The following KIAA0825 variants were observed in gnomAD, a reference collection of about 807,000 sequenced individuals.
KIAA0825 encodes the protein uncharacterized protein KIAA0825.
A neutral mutation model predicts 147.6 loss-of-function variants in KIAA0825; 119 were observed. The observed-to-expected ratio is 0.81, with a 90% CI of 0.69 to 0.94. The LOEUF is 0.94. Among genes scored for constraint, KIAA0825 ranks in the 40% least tolerant of loss-of-function variants. The pLI is 0.00. For missense variants in KIAA0825, 1,381 were observed against 1,472.7 expected, an observed-to-expected ratio of 0.94 and a Z score of 1.02; for synonymous variants, 470 against 518.1, an observed-to-expected ratio of 0.91 and a Z score of 1.26.
At chr5:94,269,377 A>T (rs958327719) in intron 20 of KIAA0825, among the ~76,000 whole-genome samples, 4 of 152,208 alleles carry the variant, frequency 2.6e-5, no homozygotes, top group African/African-American at 7.2e-5. Context: ...AGACCACAAA[A>T]TAACCAGAAA....
chr5:94,538,792 C>T (rs149657498), intron 2 of KIAA0825, among the ~76,000 whole-genome samples: 20 of 152,284 alleles, frequency 1.3e-4, no homozygotes, highest in East Asian at 3.9e-4. Flanking sequence ...TTGATTCAGA[C>T]GCTACATGAG....
At chr5:94,409,474 G>A (rs1224664836) in intron 15 of KIAA0825, among the ~76,000 whole-genome samples, 1 of 152,146 alleles carries the variant, frequency 6.6e-6, no homozygotes, top group African/African-American at 2.4e-5. Flanking sequence ...GTCAGAGGAG[G>A]ATGAGGCAGC....
At chr5:94,259,875 C>T (rs537740275) in intron 20 of KIAA0825, among the ~76,000 whole-genome samples, 42 of 152,006 alleles carry the variant, frequency 2.8e-4, no homozygotes, top group Non-Finnish European at 3.7e-4. Context: ...TATTTATTCA[C>T]TTCAAGTCAC....
chr5:94,567,690 C>G (rs1230049341), intron 2 of KIAA0825: 2 of 152,242 alleles, frequency 1.3e-5, no homozygotes, highest in Non-Finnish European at 2.9e-5. Context: ...CTAGCCCTAG[C>G]ATGATTCCTC....
rs573656414 is a variant in KIAA0825, at chr5:94,441,148, C to T, written c.2358-1027G>A. On this transcript the variant is annotated intron_variant, in intron 13 of 20. Transcript: ENST00000682413. ...TGCAATTTACTGTGTGGTAAGCCAT[C>T]CAGTGATCAACACAGTCTAGACCAA... Among the ~76,000 whole-genome samples the T allele has an allele frequency of 9.9e-4, 151 of 152,126 alleles. 1 individual carries two copies. The highest frequency in any genetic ancestry group is 3.1e-3 in the African/African-American group (127 of 41,488).
chr5:94,222,124 T>G (rs901405327), intron 20 of KIAA0825, among the ~76,000 whole-genome samples: 1 of 152,272 alleles, frequency 6.6e-6, no homozygotes, highest in Admixed American at 6.5e-5. Flanking sequence ...AATCACCGAT[T>G]ATAACCACTA....
chr5:94,601,214 T>C (rs1248106091), intron 1 of KIAA0825, among the ~76,000 whole-genome samples: 1 of 152,118 alleles, frequency 6.6e-6, no homozygotes, highest in Non-Finnish European at 1.5e-5. Context: ...CTCCCAGAGG[T>C]AGCGGTAGGC....
intron 6 of KIAA0825, among the ~76,000 whole-genome samples, chr5:94,480,602 C>A (rs188457275): frequency 6.6e-6 from 1 of 151,846 alleles, no homozygotes; most frequent in African/African-American, 2.4e-5. Context: ...TTAAGACTTA[C>A]GGAAAAAGTT....
chr5:94,600,970 G>A (rs986442744), intron 1 of KIAA0825, among the ~76,000 whole-genome samples: 1 of 152,134 alleles, frequency 6.6e-6, no homozygotes, highest in Non-Finnish European at 1.5e-5. Flanking sequence ...CATCTTTGCT[G>A]TTTCAGCAAC....
In KIAA0825 at chr5:94,150,963, A is replaced by G. The variant is rs1262357188; in HGVS notation, c.*3044T>C. ...TATCTCTATATAATTACATAAAAAT[A>G]CAATTAAGCAGAACACAGAAGGAAG... On this transcript the variant is annotated 3_prime_UTR_variant, in exon 21 of 21. Coordinates refer to ENST00000682413, the MANE Select transcript of KIAA0825 (RefSeq NM_001145678.3). Among the ~76,000 whole-genome samples the G allele has an allele frequency of 6.6e-6, 1 of 152,188 alleles. No individual in the cohort carries two copies. The highest frequency in any genetic ancestry group is 2.4e-5 in the African/African-American group (1 of 41,460).
chr5:94,190,157 A>T (rs549891777), intron 20 of KIAA0825, among the ~76,000 whole-genome samples: 43 of 152,290 alleles, frequency 2.8e-4, no homozygotes, highest in Non-Finnish European at 5.7e-4. Flanking sequence ...TTTATTCATT[A>T]GATTTAATAC....
chr5:94,464,827 A>G, intron 11 of KIAA0825, 42 bp downstream of exon 11: 1 of 1,516,222 alleles, frequency 6.6e-7, no homozygotes, highest in African/African-American at 1.4e-5. Flanking sequence ...CAACTAATGA[A>G]AAGTTTTCTT....
chr5:94,572,327 AG>A (rs1231342766), intron 2 of KIAA0825, among the ~76,000 whole-genome samples: 1 of 152,226 alleles, frequency 6.6e-6, no homozygotes, highest in Admixed American at 6.5e-5. Flanking sequence ...TTTATCAGTA[AG>A]CACCCTTCAT....
At chr5:94,473,149 T>C in intron 8 of KIAA0825, 143 bp downstream of exon 8, 1 of 637,436 alleles carries the variant, frequency 1.6e-6, no homozygotes, top group East Asian at 2.8e-5. Flanking sequence ...TGGATACCAC[T>C]GAAGAAAACT....
chr5:94,245,871 G>C (rs867709685), intron 20 of KIAA0825, among the ~76,000 whole-genome samples: 2 of 151,936 alleles, frequency 1.3e-5, no homozygotes, highest in African/African-American at 2.4e-5. Flanking sequence ...ATACTTTACT[G>C]TTTCCTCTTT....
At chr5:94,394,567 G>GT (rs1275554308) in intron 17 of KIAA0825, among the ~76,000 whole-genome samples, 1 of 152,084 alleles carries the variant, frequency 6.6e-6, no homozygotes, top group African/African-American at 2.4e-5. Flanking sequence ...ATAGATTCTT[G>GT]TATGTACCCC....
chr5:94,332,434 T>G (rs562306107), intron 20 of KIAA0825, among the ~76,000 whole-genome samples: 1 of 152,202 alleles, frequency 6.6e-6, no homozygotes, highest in South Asian at 2.1e-4. Context: ...GCCCATATGT[T>G]CTCATTGTTC....
chr5:94,187,887 A>G (rs190079020), intron 20 of KIAA0825, among the ~76,000 whole-genome samples: 554 of 152,354 alleles, frequency 3.6e-3, no homozygotes, highest in Non-Finnish European at 5.2e-3. Context: ...ATGTACATGC[A>G]ATGGACTGGA....
At chr5:94,202,071 T>C (rs1021946266) in intron 20 of KIAA0825, among the ~76,000 whole-genome samples, 5 of 152,164 alleles carry the variant, frequency 3.3e-5, no homozygotes, top group Admixed American at 6.5e-5. Context: ...TTTAGCAAGG[T>C]TCTTTTGCTA....
Sources: gnomAD v4.1 joint callset for allele counts (sites outside exome capture counted in the v4.1 genomes callset) on GRCh38, gnomAD v4.1.1 for gene constraint, MANE v1.5 for transcripts, NCBI Gene and HGNC (gene_info 2026-07-23, HGNC 2026-07-21) for gene names.